The following API5 variants were observed in gnomAD, a reference collection of about 807,000 sequenced individuals.
The protein encoded by API5 is FIF.
A neutral mutation model predicts 71.9 loss-of-function variants in API5; 6 were observed. The ratio of observed to expected loss-of-function variants is 0.08; its 90% CI spans 0.05 to 0.16. The LOEUF (loss-of-function observed/expected upper bound fraction) is 0.16. API5 is among the 10% of genes least tolerant of loss of function. API5 has a pLI of 1.00. For missense variants in API5, 332 were observed against 612.8 expected (o/e 0.54, Z 4.84); for synonymous variants, 189 against 221.3 (o/e 0.85, Z 1.30).
intron 1 of API5, among the ~76,000 whole-genome samples, chr11:43,316,446 G>A (rs948038085): frequency 3.3e-5 from 5 of 151,346 alleles, no homozygotes; most frequent in Non-Finnish European, 7.4e-5. Context: ...ATGGCTTTAT[G>A]AGTAAGTTTG....
intron 2 of API5, among the ~76,000 whole-genome samples, chr11:43,320,427 CTG>C (rs1363599468): frequency 6.6e-6 from 1 of 151,902 alleles, no homozygotes; most frequent in Non-Finnish European, 1.5e-5. Context: ...GATGGCTTCT[CTG>C]TGGTTTTAGT....
intron 11 of API5, among the ~76,000 whole-genome samples, chr11:43,333,882 G>C (rs1250775080): frequency 6.6e-6 from 1 of 152,082 alleles, no homozygotes; most frequent in African/African-American, 2.4e-5. Context: ...TAATAAATTT[G>C]GGAGAACCTG....
In API5 at chr11:43,342,704, A is replaced by T. The variant is rs1371575079; in HGVS notation, c.*194A>T. ...GTGTCCAAGGTAAAACCACAGTGAT[A>T]TTTTTGGATGCTTTGTCTGCAATCT... is the stretch of plus-strand genomic sequence containing the variant. On this transcript the variant is annotated 3_prime_UTR_variant, in exon 14 of 14. Transcript: ENST00000531273. 2.2e-5 allele frequency: 15 copies of T among 688,700 alleles called. No homozygotes were observed. The highest frequency in any genetic ancestry group is 3.7e-5 in the Non-Finnish European group (14 of 379,148). The allele number at this position is 688,700 out of a possible 1,614,324, so 42.7% of individuals were successfully genotyped here. A position where few individuals can be genotyped will look rare whatever the true frequency, so the allele number is the denominator to read the frequency against.
chr11:43,326,470 G>GT (rs748967604), intron 6 of API5, 37 bp from the exon 7 acceptor site: 1 of 1,300,156 alleles, frequency 7.7e-7, no homozygotes. Flanking sequence ...GCGAATATTT[G>GT]TTTTTCGACA....
chr11:43,331,686 C>T (rs1037741960), intron 11 of API5, among the ~76,000 whole-genome samples: 1 of 151,910 alleles, frequency 6.6e-6, no homozygotes, highest in Non-Finnish European at 1.5e-5. Context: ...ATAAGTGAGA[C>T]CATGTAGTCC....
chr11:43,312,268 T>A, intron 1 of API5, 72 bp downstream of exon 1: 1 of 1,515,930 alleles, frequency 6.6e-7, no homozygotes, highest in South Asian at 1.1e-5. Context: ...CCCGCCGCAC[T>A]CCCCGGGCCG....
intron 1 of API5, among the ~76,000 whole-genome samples, chr11:43,315,064 C>T (rs1199392275): frequency 6.6e-6 from 1 of 152,192 alleles, no homozygotes; most frequent in East Asian, 1.9e-4. Context: ...TCAAGTTTGT[C>T]AGTCTTGACT....
At chr11:43,318,873 C>A in intron 2 of API5, 72 bp downstream of exon 2, 1 of 1,443,622 alleles carries the variant, frequency 6.9e-7, no homozygotes, top group Non-Finnish European at 9.5e-7. Context: ...ATTGGAGTAG[C>A]AATCTGATAT....
At chr11:43,337,631 T>G (rs1367217037) in intron 13 of API5, among the ~76,000 whole-genome samples, 2 of 152,190 alleles carry the variant, frequency 1.3e-5, no homozygotes, top group African/African-American at 4.8e-5. Context: ...TAACAATATT[T>G]GTGAAAGTAT....
At chr11:43,328,600 G>T in intron 8 of API5, 112 bp from the exon 9 acceptor site, 2 of 927,316 alleles carry the variant, frequency 2.2e-6, no homozygotes, top group Non-Finnish European at 3.2e-6. Context: ...TCTGGTTTTG[G>T]TAGTTTTTAA....
intron 6 of API5, among the ~76,000 whole-genome samples, chr11:43,324,080 C>T (rs182983323): frequency 5.0e-4 from 76 of 152,082 alleles, no homozygotes; most frequent in African/African-American, 1.7e-3. Context: ...TGCAGTGGCA[C>T]GATCTTGGCT....
intron 7 of API5, 43 bp downstream of exon 7, chr11:43,326,654 T>C (rs1347294758): frequency 2.7e-6 from 3 of 1,106,726 alleles, no homozygotes; most frequent in East Asian, 2.4e-5. Context: ...GGCATTCTTA[T>C]ATTTTAACAA....
At chr11:43,322,285 CT>C in intron 5 of API5, 149 bp downstream of exon 5, 1 of 705,094 alleles carries the variant, frequency 1.4e-6, no homozygotes, top group Non-Finnish European at 2.0e-6. Context: ...CTAAGTTTTT[CT>C]TAGATTGAAT....
chr11:43,340,934 T>C (rs1455814488), intron 13 of API5, among the ~76,000 whole-genome samples: 1 of 152,072 alleles, frequency 6.6e-6, no homozygotes, highest in Admixed American at 6.6e-5. Context: ...CATGGGATCA[T>C]ATCAAATTAA....
chr11:43,330,739 T>C (rs1855223839), intron 11 of API5, among the ~76,000 whole-genome samples, 175 bp downstream of exon 11: 1 of 152,218 alleles, frequency 6.6e-6, no homozygotes, highest in Non-Finnish European at 1.5e-5. Context: ...TAAGTTCTAG[T>C]GGTCTTAATT....
chr11:43,337,356 A>T (rs1208769135), intron 13 of API5, among the ~76,000 whole-genome samples: 1 of 152,194 alleles, frequency 6.6e-6, no homozygotes, highest in African/African-American at 2.4e-5. Flanking sequence ...ATTCTGAACC[A>T]TATAATATCT....
intron 12 of API5, 146 bp downstream of exon 12, chr11:43,335,500 A>G (rs1000622864): frequency 8.4e-6 from 5 of 593,708 alleles, no homozygotes; most frequent in African/African-American, 3.8e-5. Flanking sequence ...TGTAAAATCT[A>G]ATTTCAATAT....
chr11:43,336,093 A>G (rs1313220995), intron 13 of API5, 99 bp downstream of exon 13: 2 of 1,428,218 alleles, frequency 1.4e-6, no homozygotes, highest in Non-Finnish European at 1.9e-6. Flanking sequence ...TCATGGTTCT[A>G]TCCAATGACT....
chr11:43,327,798 T>G lies in API5; in HGVS notation c.865T>G (p.Leu289Val), dbSNP rs1207770394. 5 of 1,611,190 alleles carry G rather than the reference T, an allele frequency of 3.1e-6. No homozygotes were observed. Among genetic ancestry groups the G allele is most frequent in the Non-Finnish European group, 3.4e-6 (4 of 1,179,012 alleles). ...GLDIQLEVLK[L>V]LAEMSSFCGD... is the part of the protein sequence containing the mutation. ...GAATTGTGTGTTTTAGGTATTGAAA[T>G]TGTTGGCGGAGATGAGTTCATTTTG... Residue 289 changes from leucine (L) to valine (V), a missense_variant, in exon 8 of 14, where the codon TTG becomes GTG. Around this residue, in one of 3 missense-constraint regions of API5, gnomAD observed 168 missense variants for 343.9 expected, o/e 0.49. Coordinates refer to ENST00000531273, the MANE Select transcript of API5 (RefSeq NM_001142930.2).
Sources: gnomAD v4.1 joint callset for allele counts (sites outside exome capture counted in the v4.1 genomes callset) on GRCh38, gnomAD v4.1.1 for gene constraint, gnomAD v4.1.1 regional missense constraint, MANE v1.5 for transcripts, NCBI Gene and HGNC (gene_info 2026-07-23, HGNC 2026-07-21) for gene names.